TRPC4AP: variants seen among roughly 807,000 people sequenced by gnomAD.
The protein encoded by TRPC4AP is short transient receptor potential channel 4-associated protein.
In TRPC4AP, 45 loss-of-function variants were observed where a neutral mutation model predicts 99.0. The ratio of observed to expected loss-of-function variants is 0.45; its 90% CI spans 0.36 to 0.58. TRPC4AP has a LOEUF of 0.58. TRPC4AP is among the 20% of genes least tolerant of loss of function. The pLI is 0.00. For synonymous variants in TRPC4AP, 408 were observed against 385.8 expected (o/e 1.06, Z -0.67); for missense variants, 879 against 985.3 (o/e 0.89, Z 1.44).
chr20:35,082,150 G>A (rs1011115049), intron 1 of TRPC4AP, among the ~76,000 whole-genome samples: 30 of 152,056 alleles, frequency 2.0e-4, no homozygotes, highest in Non-Finnish European at 4.4e-5. Context: ...AGGCTAAAAG[G>A]AGAAATAAGG....
chr20:35,012,853 G>A (rs954016804), intron 11 of TRPC4AP, among the ~76,000 whole-genome samples, 155 bp downstream of exon 11: 6 of 152,160 alleles, frequency 3.9e-5, no homozygotes, highest in Non-Finnish European at 7.4e-5. Flanking sequence ...CGGGAGGTCC[G>A]ACTGCAGTGT....
chr20:35,053,930 G>A (rs1206338018), intron 5 of TRPC4AP, among the ~76,000 whole-genome samples: 3 of 152,126 alleles, frequency 2.0e-5, no homozygotes, highest in East Asian at 1.9e-4. Context: ...GCTGAATTAC[G>A]TAAGTGTTCA....
intron 10 of TRPC4AP, among the ~76,000 whole-genome samples, chr20:35,014,438 C>G (rs1310570912): frequency 1.3e-5 from 2 of 151,528 alleles, no homozygotes; most frequent in African/African-American, 4.9e-5. Flanking sequence ...GTGGCCGCTC[C>G]ACAGACATTA....
rs547546589 is a variant in TRPC4AP at position 35,059,724 on chromosome 20, A to G, written c.415-2153T>C. 7.9e-5 allele frequency among the ~76,000 whole-genome samples: 12 copies of G among 151,258 alleles called. No individual in the cohort carries two copies. The South Asian group carries it at 2.5e-3, about 31-fold the overall frequency. Reference sequence around the variant, plus strand: ...AGAAGAAGAAATAAGAAGAAGAAGAAGAGGAAGAAGACTACGACGAAGAAG... The same window carrying G: ...AGAAGAAGAAATAAGAAGAAGAAGAGGAGGAAGAAGACTACGACGAAGAAG... On this transcript the variant is annotated intron_variant, in intron 3 of 18. Transcript: ENST00000252015.
intron 1 of TRPC4AP, among the ~76,000 whole-genome samples, chr20:35,088,829 C>G (rs2084959061): frequency 6.6e-6 from 1 of 151,952 alleles, no homozygotes; most frequent in Non-Finnish European, 1.5e-5. Context: ...TAAAATAAGC[C>G]AGTCACAAAA....
intron 2 of TRPC4AP, among the ~76,000 whole-genome samples, chr20:35,071,879 G>A (rs955973120): frequency 1.3e-5 from 2 of 149,246 alleles, no homozygotes; most frequent in African/African-American, 4.9e-5. Flanking sequence ...CACAATGGTT[G>A]AACTAGTTTA....
At chr20:35,057,399 A>G in intron 4 of TRPC4AP, 115 bp downstream of exon 4, 2 of 807,354 alleles carry the variant, frequency 2.5e-6, no homozygotes, top group Non-Finnish European at 4.1e-6. Flanking sequence ...AGCTAAATGT[A>G]AGACATGTCC....
chr20:35,050,925 AGT>A (rs770303445), intron 5 of TRPC4AP, among the ~76,000 whole-genome samples: 2 of 151,968 alleles, frequency 1.3e-5, no homozygotes, highest in Non-Finnish European at 2.9e-5. Context: ...TGAGGCCAGG[AGT>A]GTGAGGCCGC....
At chr20:35,076,891 T>C (rs1051496615) in intron 2 of TRPC4AP, among the ~76,000 whole-genome samples, 2 of 152,194 alleles carry the variant, frequency 1.3e-5, no homozygotes, top group African/African-American at 4.8e-5. Flanking sequence ...GCAGGTCTCC[T>C]TGAGCTGCGG....
At chr20:35,078,213 T>C in intron 1 of TRPC4AP, 39 bp from the exon 2 acceptor site, 1 of 1,599,034 alleles carries the variant, frequency 6.3e-7, no homozygotes, top group Non-Finnish European at 8.6e-7. Flanking sequence ...TATTGTATTA[T>C]TGATGATAAT....
chr20:35,019,786 C>T (rs1466425834), intron 9 of TRPC4AP, among the ~76,000 whole-genome samples: 2 of 152,102 alleles, frequency 1.3e-5, no homozygotes, highest in East Asian at 1.9e-4. Context: ...TGGCTATCAC[C>T]GTGGGATCTC....
chr20:35,052,832 C>T (rs1023426073), intron 5 of TRPC4AP, among the ~76,000 whole-genome samples: 5 of 152,110 alleles, frequency 3.3e-5, no homozygotes, highest in African/African-American at 1.2e-4. Context: ...CATCTTTAGA[C>T]AGGACATACT....
At chr20:35,035,783 C>T (rs2083302864) in intron 7 of TRPC4AP, among the ~76,000 whole-genome samples, 1 of 151,996 alleles carries the variant, frequency 6.6e-6, no homozygotes, top group South Asian at 2.1e-4. Context: ...AATGATGACA[C>T]ATACATCTTT....
At chr20:35,069,717 G>A (rs973881728) in intron 2 of TRPC4AP, among the ~76,000 whole-genome samples, 1 of 152,160 alleles carries the variant, frequency 6.6e-6, no homozygotes, top group Non-Finnish European at 1.5e-5. Flanking sequence ...AAGGTGGGCG[G>A]ATTACTTGAG....
intron 1 of TRPC4AP, among the ~76,000 whole-genome samples, chr20:35,086,493 A>ATGTG (rs1361056430): frequency 7.5e-6 from 1 of 132,530 alleles, no homozygotes; most frequent in Non-Finnish European, 1.6e-5. Context: ...GTGTATATAT[A>ATGTG]TATGTGTATA....
At chr20:35,009,164 C>A (rs1315456665) in intron 12 of TRPC4AP, among the ~76,000 whole-genome samples, 1 of 152,192 alleles carries the variant, frequency 6.6e-6, no homozygotes, top group Non-Finnish European at 1.5e-5. Flanking sequence ...CAACTCCAAG[C>A]CTCAGCTTCC....
chr20:35,078,990 C>T (rs372205155), intron 1 of TRPC4AP, among the ~76,000 whole-genome samples: 3 of 152,120 alleles, frequency 2.0e-5, no homozygotes, highest in Admixed American at 6.5e-5. Context: ...CGCTTGAACT[C>T]GGGAGGCAGA....
At chr20:35,015,146 C>T (rs1555902423) in intron 10 of TRPC4AP, among the ~76,000 whole-genome samples, 1 of 99,742 alleles carries the variant, frequency 1.0e-5, no homozygotes, top group African/African-American at 3.7e-5. Flanking sequence ...ATTACAGGTG[C>T]CCCACCAACA....
chr20:35,091,584 G>A (rs2146060485), intron 1 of TRPC4AP, among the ~76,000 whole-genome samples: 1 of 152,016 alleles, frequency 6.6e-6, no homozygotes, highest in South Asian at 2.1e-4. Flanking sequence ...TGAAAAAGCT[G>A]TCTTTAAATA....
Sources: allele counts gnomAD v4.1 joint callset (sites outside exome capture counted in the v4.1 genomes callset), GRCh38; gene constraint gnomAD v4.1.1; transcripts MANE v1.5; gene names NCBI Gene and HGNC (gene_info 2026-07-23, HGNC 2026-07-21).